Variants in CSMD1 observed in about 807,000 individuals in gnomAD.
The protein encoded by CSMD1 is CUB and Sushi multiple domains 1, also known as CUB and sushi domain-containing protein 1.
In CSMD1, 213 loss-of-function variants were observed where a neutral mutation model predicts 417.5. The observed-to-expected ratio is 0.51, with a 90% confidence interval of 0.46 to 0.57. The LOEUF (loss-of-function observed/expected upper bound fraction) is 0.57, where lower values mean the gene tolerates loss of function less well. Ranked by LOEUF, CSMD1 falls within the 20% of genes least tolerant of loss-of-function variation. CSMD1 has a pLI of 0.00. For missense variants in CSMD1, 6,923 were observed against 4,529.7 expected (o/e 1.53, Z -15.17); for synonymous variants, 2,862 against 1,736.8 (o/e 1.65, Z -16.11).
At chr8:4,134,701 C>T (rs1404694474) in intron 3 of CSMD1, among the ~76,000 whole-genome samples, 1 of 152,152 alleles carries the variant, frequency 6.6e-6, no homozygotes, top group Non-Finnish European at 1.5e-5. Context: ...TTTCTGTGAA[C>T]CACACCACTT....
chr8:3,406,059 A>T lies in CSMD1; in HGVS notation c.2234T>A (p.Val745Glu). The change falls in exon 15 of 70, where the codon GTG becomes GAG. Residue 745 changes from valine to glutamate, a missense_variant. By Grantham distance (121) the Val-to-Glu change is moderately radical. Coordinates refer to ENST00000635120, the MANE Select transcript of CSMD1 (RefSeq NM_033225.6). ...SITCILQDGNVVWSSTVPRCE... is the reference protein window; with the variant it reads ...SITCILQDGNEVWSSTVPRCE... ...GCGGGGCACGGTGGAGCTCCAGACCACGTTCCCGTCTTGCAGTATGCAGGT... is the reference window on the plus strand; with the variant it reads ...GCGGGGCACGGTGGAGCTCCAGACCTCGTTCCCGTCTTGCAGTATGCAGGT... 1 of 1,613,878 alleles carries T rather than the reference A, an allele frequency of 6.2e-7. No individual in the cohort carries two copies. The highest frequency in any genetic ancestry group is 8.5e-7 in the Non-Finnish European group (1 of 1,179,848).
At chr8:4,296,339 G>A (rs1417198513) in intron 3 of CSMD1, among the ~76,000 whole-genome samples, 1 of 151,998 alleles carries the variant, frequency 6.6e-6, no homozygotes, top group Non-Finnish European at 1.5e-5. Context: ...CAGGGATTAT[G>A]CACTATAAAC....
intron 2 of CSMD1, among the ~76,000 whole-genome samples, chr8:4,548,989 T>A (rs1797749215): frequency 6.6e-6 from 1 of 152,242 alleles, no homozygotes; most frequent in Admixed American, 6.5e-5. Context: ...ATTGTATTTT[T>A]TTATTTCCAA....
At chr8:4,363,489 G>A (rs546532800) in intron 3 of CSMD1, among the ~76,000 whole-genome samples, 2 of 152,252 alleles carry the variant, frequency 1.3e-5, no homozygotes, top group East Asian at 3.9e-4. Flanking sequence ...CTCTGGAGGA[G>A]GAAAAGCATA....
intron 5 of CSMD1, among the ~76,000 whole-genome samples, chr8:3,924,804 A>G (rs542006060): frequency 6.6e-6 from 1 of 152,146 alleles, no homozygotes; most frequent in Non-Finnish European, 1.5e-5. Flanking sequence ...GTTATCCTGT[A>G]AGTCACTGAA....
At chr8:3,333,840 C>T (rs921710202) in intron 23 of CSMD1, among the ~76,000 whole-genome samples, 2 of 152,184 alleles carry the variant, frequency 1.3e-5, no homozygotes, top group African/African-American at 4.8e-5. Flanking sequence ...ATACTATAAT[C>T]TCTTTTACTT....
chr8:3,833,414 A>G (rs1237892924), intron 5 of CSMD1, among the ~76,000 whole-genome samples: 2 of 152,056 alleles, frequency 1.3e-5, no homozygotes, highest in Non-Finnish European at 2.9e-5. Context: ...TTATATTTTA[A>G]TTTTGCCATA....
At chr8:4,229,399 A>G (rs971976988) in intron 3 of CSMD1, among the ~76,000 whole-genome samples, 17 of 152,206 alleles carry the variant, frequency 1.1e-4, no homozygotes, top group Admixed American at 9.8e-4. Flanking sequence ...TTAGATCACA[A>G]GCTAGATCAT....
At chr8:4,386,737 C>G (rs1251349459) in intron 3 of CSMD1, among the ~76,000 whole-genome samples, 2 of 152,104 alleles carry the variant, frequency 1.3e-5, no homozygotes. Context: ...CAGAGAAGTG[C>G]TAATGATGAC....
intron 3 of CSMD1, among the ~76,000 whole-genome samples, chr8:4,381,259 T>C (rs984860296): frequency 1.5e-4 from 23 of 152,166 alleles, no homozygotes; most frequent in Non-Finnish European, 4.4e-5. Context: ...GAGTGAGGAA[T>C]AAAGGCGTCA....
At chr8:3,523,251 C>T (rs1310528608) in intron 10 of CSMD1, among the ~76,000 whole-genome samples, 1 of 152,106 alleles carries the variant, frequency 6.6e-6, no homozygotes, top group Non-Finnish European at 1.5e-5. Flanking sequence ...AAGCATCTAC[C>T]ATATAGGATT....
rs972683134 is a variant in CSMD1, at chr8:4,842,607, C to T, written c.85+151725G>A. Among the ~76,000 whole-genome samples the T allele has an allele frequency of 3.9e-5, 6 of 152,246 alleles. No homozygotes were observed. In the East Asian group the frequency reaches 7.7e-4, roughly 20 times the overall value. ...ACATGTATCCCTGCTGCAGGGAACCCGGGTGCCTATGTGCAAAACCACACT... is the reference window on the plus strand; with the variant it reads ...ACATGTATCCCTGCTGCAGGGAACCTGGGTGCCTATGTGCAAAACCACACT... On this transcript the variant is annotated intron_variant, in intron 1 of 69. Coordinates refer to ENST00000635120, the MANE Select transcript of CSMD1 (RefSeq NM_033225.6).
At chr8:4,191,204 G>A (rs953629039) in intron 3 of CSMD1, among the ~76,000 whole-genome samples, 2 of 152,130 alleles carry the variant, frequency 1.3e-5, no homozygotes, top group African/African-American at 2.4e-5. Flanking sequence ...AGACCATCCC[G>A]GCTAACATGG....
At chr8:4,604,055 T>C (rs1291629727) in intron 2 of CSMD1, among the ~76,000 whole-genome samples, 1 of 152,088 alleles carries the variant, frequency 6.6e-6, no homozygotes, top group African/African-American at 2.4e-5. Context: ...TTGACAGTTG[T>C]TAACTTACTC....
chr8:4,894,090 A>C (rs1434721771), intron 1 of CSMD1, among the ~76,000 whole-genome samples: 2 of 152,044 alleles, frequency 1.3e-5, no homozygotes, highest in Non-Finnish European at 2.9e-5. Flanking sequence ...TAGCTTACCA[A>C]AAGTCTTCAT....
chr8:4,063,625 C>G (rs1037633432), intron 3 of CSMD1, among the ~76,000 whole-genome samples: 3 of 152,158 alleles, frequency 2.0e-5, no homozygotes, highest in Non-Finnish European at 4.4e-5. Flanking sequence ...TCAGCGGCTT[C>G]CAGCAGTGGA....
At chr8:4,238,138 T>C (rs567700060) in intron 3 of CSMD1, among the ~76,000 whole-genome samples, 1 of 152,306 alleles carries the variant, frequency 6.6e-6, no homozygotes, top group African/African-American at 2.4e-5. Context: ...CCTAAAAATG[T>C]CTGGTAAGTC....
At chr8:4,886,618 G>A (rs1482761016) in intron 1 of CSMD1, among the ~76,000 whole-genome samples, 1 of 151,934 alleles carries the variant, frequency 6.6e-6, no homozygotes, top group East Asian at 1.9e-4. Flanking sequence ...GTAAAACTGT[G>A]ATGCCTGGGG....
intron 7 of CSMD1, among the ~76,000 whole-genome samples, chr8:3,699,544 A>G (rs903326579): frequency 5.9e-5 from 9 of 152,070 alleles, no homozygotes; most frequent in African/African-American, 2.2e-4. Context: ...CTCTATTTCT[A>G]TGGATTTCTA....
Sources: gnomAD v4.1 joint callset for allele counts (sites outside exome capture counted in the v4.1 genomes callset) on GRCh38, gnomAD v4.1.1 for gene constraint, MANE v1.5 for transcripts, NCBI Gene and HGNC (gene_info 2026-07-23, HGNC 2026-07-21) for gene names.